RSRP1: variants seen among roughly 807,000 people sequenced by gnomAD.
RSRP1 encodes arginine and serine rich protein 1.
Under a neutral mutation model 33.0 loss-of-function variants are expected in RSRP1, and 37 were observed. The ratio of observed to expected loss-of-function variants is 1.12; its 90% CI spans 0.86 to 1.48. The LOEUF (loss-of-function observed/expected upper bound fraction) is 1.48, where lower values mean the gene tolerates loss of function less well. RSRP1 is among the 40% of genes most tolerant of loss of function. The pLI is 0.00. For missense variants in RSRP1, 402 were observed against 385.3 expected (o/e 1.04, Z -0.36); for synonymous variants, 167 against 158.7 (o/e 1.05, Z -0.40).
At chr1:25,244,780 G>A (rs1639205815) in intron 3 of RSRP1, 1 of 1,008,560 alleles carries the variant, frequency 9.9e-7, no homozygotes, top group Non-Finnish European at 1.3e-6. Flanking sequence ...AGCATCCTAG[G>A]CTCAAAGATC....
chr1:25,254,272 T>C (rs1639880530), intron 1 of RSRP1, among the ~76,000 whole-genome samples: 1 of 152,138 alleles, frequency 6.6e-6, no homozygotes, highest in Non-Finnish European at 1.5e-5. Flanking sequence ...AGTGTGGAAA[T>C]ATCAGGCTTG....
chr1:25,316,641 G>GAC (rs1644457980), intron 1 of RSRP1, among the ~76,000 whole-genome samples: 1 of 122,310 alleles, frequency 8.2e-6, no homozygotes, highest in African/African-American at 2.7e-5. Context: ...AAAAAAGAGA[G>GAC]AGAGAGAAAA....
chr1:25,252,078 T>C (rs535075785), upstream of RSRP1, among the ~76,000 whole-genome samples: 2 of 151,894 alleles, frequency 1.3e-5, no homozygotes, highest in South Asian at 4.2e-4. Flanking sequence ...TGTTGTTGTT[T>C]TGTGAGACAG....
intron 1 of RSRP1, among the ~76,000 whole-genome samples, chr1:25,291,190 T>C (rs28373042): frequency 0.011 from 1,349 of 126,716 alleles, 337 homozygotes; most frequent in Non-Finnish European, 0.018. Flanking sequence ...ACAGACAGGC[T>C]GGGTACAGTG....
chr1:25,306,883 G>A (rs1280938860), intron 1 of RSRP1: 2 of 823,064 alleles, frequency 2.4e-6, no homozygotes, highest in Non-Finnish European at 4.0e-6. Flanking sequence ...CAGAAATTCT[G>A]TCCAGCCCCT....
At chr1:25,259,120 G>A (rs2124560182) in intron 1 of RSRP1, among the ~76,000 whole-genome samples, 1 of 151,034 alleles carries the variant, frequency 6.6e-6, no homozygotes, top group Admixed American at 6.6e-5. Context: ...TTGAGATGTA[G>A]TCTTACTCTG....
rs750571214 is a variant in RSRP1 at position 25,303,480 on chromosome 1, C to A, written c.-67+34498G>T. 3 of 1,378,544 alleles carry A rather than the reference C, an allele frequency of 2.2e-6. 1 individual carries two copies. Among genetic ancestry groups the A allele is most frequent in the African/African-American group, 2.8e-5 (2 of 70,282 alleles). The allele number at this position is 1,378,544 out of a possible 1,614,324, so 85.4% of individuals were successfully genotyped here. A position where few individuals can be genotyped will look rare whatever the true frequency, so the allele number is the denominator to read the frequency against. ...TGCCGGTAAGAAACTAGACAACTAA[C>A]CTCCTCTGCTTTGGCTGAAGGCCAG... On this transcript the variant is annotated intron_variant, in intron 1 of 1. Coordinates refer to the RSRP1 transcript ENST00000561867.
chr1:25,242,613 T>G lies in RSRP1; in HGVS notation c.849A>C (p.Pro283=). Residue 283 remains proline, a synonymous_variant, in exon 5 of 5, where the codon CCA becomes CCC. Transcript: ENST00000243189. ...RSPKIDQKKS[P]YGLWIPI is the part of the protein sequence containing the mutation. ...TTTAGATAGGTATCCACAGTCCATA[T>G]GGACTTTTTTTCTGATCTATTTTTG... 1 of 1,611,856 alleles carries G rather than the reference T, an allele frequency of 6.2e-7. No homozygotes were observed. Among genetic ancestry groups the G allele is most frequent in the Non-Finnish European group, 8.5e-7 (1 of 1,179,016 alleles).
intron 1 of RSRP1, among the ~76,000 whole-genome samples, chr1:25,258,184 T>C (rs921927908): frequency 3.3e-5 from 5 of 152,086 alleles, no homozygotes; most frequent in Non-Finnish European, 7.4e-5. Flanking sequence ...AATCTCATTA[T>C]TTATTTATTT....
upstream of RSRP1, chr1:25,247,569 C>T (rs1300102322): frequency 6.6e-6 from 1 of 152,326 alleles, no homozygotes; most frequent in Non-Finnish European, 1.5e-5. Flanking sequence ...GCCCTGCCTC[C>T]TCCCTCCCCA....
chr1:25,269,627 C>G (rs1017234581), intron 1 of RSRP1, among the ~76,000 whole-genome samples: 1 of 132,910 alleles, frequency 7.5e-6, no homozygotes, highest in Non-Finnish European at 1.8e-5. Flanking sequence ...CTTTCTGTAG[C>G]AGGTGACCTG....
chr1:25,296,009 C>G (rs541190795), intron 1 of RSRP1, among the ~76,000 whole-genome samples: 1,518 of 117,856 alleles, frequency 0.013, 184 homozygotes, highest in African/African-American at 0.041. Context: ...ATTACAGGCA[C>G]ACACCACCAC....
At chr1:25,306,435 G>A (rs532426292) in intron 1 of RSRP1, among the ~76,000 whole-genome samples, 12 of 131,742 alleles carry the variant, frequency 9.1e-5, no homozygotes, top group Admixed American at 2.2e-4. Flanking sequence ...CAAACTCCCC[G>A]ATGATGTGAG....
Position 25,306,579 on chromosome 1 carries a change from A to C in RSRP1, c.-67+31399T>G, listed in dbSNP as rs1486281573. Reference sequence around the variant, plus strand: ...GGTCTCACCTGCCAATCTGCTTATAATAACACTTGTCCACAGGGGTGTTGT... The same window carrying C: ...GGTCTCACCTGCCAATCTGCTTATACTAACACTTGTCCACAGGGGTGTTGT... On this transcript the variant is annotated intron_variant, in intron 1 of 1. Coordinates refer to the RSRP1 transcript ENST00000561867. 1.1e-5 allele frequency: 15 copies of C among 1,376,854 alleles called. 5 individuals are homozygous for C. The highest frequency in any genetic ancestry group is 1.5e-5 in the Non-Finnish European group (15 of 977,632). The allele number at this position is 1,376,854 out of a possible 1,614,324, so 85.3% of individuals were successfully genotyped here. A position where few individuals can be genotyped will look rare whatever the true frequency, so the allele number is the denominator to read the frequency against.
Position 25,247,002 on chromosome 1 carries a change from G to T in RSRP1, c.-39C>A. The T allele has an allele frequency of 1.3e-6, 2 of 1,514,518 alleles. No homozygotes were observed. Among genetic ancestry groups the T allele is most frequent in the Non-Finnish European group, 1.8e-6 (2 of 1,127,878 alleles). 93.8% of individuals were successfully genotyped at this position (1,514,518 alleles called of 1,614,324 possible). ...TTTAGCCTGCGCTTTCTCCGGAAAG[G>T]ATCCCGCAAGCCTCAACTCAGGACT... is the stretch of plus-strand genomic sequence containing the variant. On this transcript the variant is annotated 5_prime_UTR_variant, in exon 2 of 5. Coordinates refer to ENST00000243189, the MANE Select transcript of RSRP1 (RefSeq NM_020317.5).
intron 1 of RSRP1, among the ~76,000 whole-genome samples, chr1:25,258,905 G>C (rs1011737432): frequency 8.5e-5 from 13 of 152,094 alleles, no homozygotes; most frequent in South Asian, 4.1e-4. Flanking sequence ...GCAGGCACTG[G>C]AGTCAGAGAA....
At chr1:25,256,200 G>A (rs887439062) in intron 1 of RSRP1, among the ~76,000 whole-genome samples, 2 of 150,416 alleles carry the variant, frequency 1.3e-5, no homozygotes, top group South Asian at 2.1e-4. Flanking sequence ...TGTTGTCCAG[G>A]CCGGAGTGCA....
intron 1 of RSRP1, among the ~76,000 whole-genome samples, chr1:25,255,132 C>T (rs1023337705): frequency 5.3e-5 from 8 of 152,106 alleles, no homozygotes; most frequent in Middle Eastern, 3.2e-3. Context: ...AATTTAACTT[C>T]GGTGATGGCA....
intron 1 of RSRP1, among the ~76,000 whole-genome samples, chr1:25,259,865 C>A (rs1196487632): frequency 3.3e-5 from 5 of 152,022 alleles, no homozygotes; most frequent in African/African-American, 1.2e-4. Flanking sequence ...GTGAACGTGG[C>A]AGTGCTTGTG....
Sources: allele counts gnomAD v4.1 joint callset (sites outside exome capture counted in the v4.1 genomes callset), GRCh38; gene constraint gnomAD v4.1.1; transcripts MANE v1.5; gene names NCBI Gene and HGNC (gene_info 2026-07-23, HGNC 2026-07-21).